Variants in FOXN4 observed in about 807,000 individuals in gnomAD.
FOXN4 encodes forkhead box N4.
In FOXN4, 12 loss-of-function variants were observed where a neutral mutation model predicts 45.0. That is an observed-to-expected ratio of 0.27 (90% CI 0.17 to 0.43). The LOEUF (loss-of-function observed/expected upper bound fraction) is 0.43. Among genes scored for constraint, FOXN4 ranks in the 20% least tolerant of loss-of-function variants. The pLI is 1.00. For missense variants in FOXN4, 560 were observed against 694.9 expected (o/e 0.81, Z 2.18); for synonymous variants, 297 against 295.0 (o/e 1.01, Z -0.07).
At chr12:109,281,253 C>G (rs2136908079) in intron 9 of FOXN4, among the ~76,000 whole-genome samples, 154 bp downstream of exon 9, 1 of 152,242 alleles carries the variant, frequency 6.6e-6, no homozygotes, top group Middle Eastern at 3.4e-3. Flanking sequence ...TTTTGGATTT[C>G]CGGATTAGGG....
At chr12:109,282,727 T>G (rs769807305) in intron 8 of FOXN4, among the ~76,000 whole-genome samples, 1 of 152,196 alleles carries the variant, frequency 6.6e-6, no homozygotes, top group African/African-American at 2.4e-5. Flanking sequence ...TAAAGACAAA[T>G]TACTCTCATA....
chr12:109,299,614 C>T (rs1341061586), intron 2 of FOXN4, among the ~76,000 whole-genome samples: 1 of 152,164 alleles, frequency 6.6e-6, no homozygotes, highest in African/African-American at 2.4e-5. Context: ...AGGCAGTCCC[C>T]CCTCTGCCAG....
intron 9 of FOXN4, 79 bp from the exon 10 acceptor site, chr12:109,280,009 G>A: frequency 1.3e-6 from 2 of 1,578,114 alleles, no homozygotes; most frequent in South Asian, 2.3e-5. Flanking sequence ...TTAGGGAAGA[G>A]GCAGAGACCA....
intron 2 of FOXN4, among the ~76,000 whole-genome samples, chr12:109,306,224 T>G (rs759397554): frequency 6.6e-6 from 1 of 152,136 alleles, no homozygotes; most frequent in Non-Finnish European, 1.5e-5. Context: ...AACTACTGAT[T>G]ATGTGTTTCT....
chr12:109,298,367 G>A (rs919474393), intron 2 of FOXN4, among the ~76,000 whole-genome samples: 14 of 109,384 alleles, frequency 1.3e-4, no homozygotes, highest in Admixed American at 9.2e-5. Flanking sequence ...GCTTTGTTTT[G>A]TTTTGTTTTT....
At chr12:109,303,105 G>A (rs143331336) in intron 2 of FOXN4, among the ~76,000 whole-genome samples, 1 of 152,326 alleles carries the variant, frequency 6.6e-6, no homozygotes, top group East Asian at 1.9e-4. Flanking sequence ...TTGGGACTTA[G>A]AATGTGCATG....
In FOXN4 at chr12:109,290,186, C is replaced by A. The variant is rs1332686599; in HGVS notation, c.187G>T (p.Gly63Cys). 6 of 1,551,428 alleles carry A rather than the reference C, an allele frequency of 3.9e-6. No individual in the cohort carries two copies. Among genetic ancestry groups the A allele is most frequent in the Admixed American group, 3.9e-5 (2 of 50,964 alleles). ...CAGGGGCCACCCAGGTCCACGCGGC[C>A]ACTTGCCATCTGCTGCAGCCGAGGC... ...DVPRLQQMAS[G>C]RVDLGGPCVP... Residue 63 changes from glycine to cysteine, a missense_variant, in exon 3 of 10, where the codon GGC becomes TGC. Gly to Cys is a radical substitution (Grantham distance 159, BLOSUM62 -3). Transcript: ENST00000299162. This position sits in a 1 kb window ranked among gnomAD's most constrained non-coding sequence, Gnocchi z 5.1.
intron 2 of FOXN4, among the ~76,000 whole-genome samples, chr12:109,293,383 C>T (rs1021725806): frequency 3.9e-5 from 6 of 152,178 alleles, no homozygotes; most frequent in African/African-American, 9.7e-5. Flanking sequence ...CTCTACACTT[C>T]GCCAGGACCA....
chr12:109,295,700 T>G (rs926701968), intron 2 of FOXN4, among the ~76,000 whole-genome samples: 10 of 152,282 alleles, frequency 6.6e-5, no homozygotes, highest in African/African-American at 2.2e-4. Context: ...GCAGGAGAAT[T>G]GCTTGAACCT....
At position 109,286,780 on chromosome 12, in the gene FOXN4, A is replaced by G. The variant is rs759430774; in HGVS notation, c.597-36T>C. On this transcript the variant is annotated intron_variant, in intron 6 of 9. Coordinates refer to ENST00000299162, the MANE Select transcript of FOXN4 (RefSeq NM_213596.3). Reference sequence around the variant, plus strand: ...GAGGTGGGGCAGGGCAGGGCAGGGCAGGACAGGGCAGGCCAGGCATGAAAG... The same window carrying G: ...GAGGTGGGGCAGGGCAGGGCAGGGCGGGACAGGGCAGGCCAGGCATGAAAG... 8.9e-6 allele frequency: 14 copies of G among 1,580,378 alleles called. 1 individual carries two copies. In the South Asian group the frequency reaches 1.3e-4, roughly 14 times the overall value.
At chr12:109,304,289 AAGAAAGG>A (rs1276549215) in intron 2 of FOXN4, among the ~76,000 whole-genome samples, 7 of 51,274 alleles carry the variant, frequency 1.4e-4, no homozygotes, top group Middle Eastern at 0.013. Context: ...GAAAGAAAGA[AAGAAAGG>A]AGAAAGAAAG....
At chr12:109,295,696 G>A (rs2047810448) in intron 2 of FOXN4, among the ~76,000 whole-genome samples, 1 of 152,244 alleles carries the variant, frequency 6.6e-6, no homozygotes, top group African/African-American at 2.4e-5. Flanking sequence ...TGAGGCAGGA[G>A]AATTGCTTGA....
chr12:109,285,326 G>A lies in FOXN4; in HGVS notation c.879C>T (p.Ile293=). The part of the protein sequence containing the change: ...HKWKRKDLAA[I]HRSMANPEEL... Reference sequence around the variant, plus strand: ...CACCAGGGTTGGCCATACTCCGGTGGATGGCAGCCAGGTCCTTCCTCTTCC... The same window carrying A: ...CACCAGGGTTGGCCATACTCCGGTGAATGGCAGCCAGGTCCTTCCTCTTCC... Residue 293 remains isoleucine (I), a synonymous_variant, in exon 8 of 10, where the codon ATC becomes ATT. Coordinates refer to ENST00000299162, the MANE Select transcript of FOXN4 (RefSeq NM_213596.3). 1 of 1,611,960 alleles carries A rather than the reference G, an allele frequency of 6.2e-7. No individual in the cohort carries two copies. Among genetic ancestry groups the A allele is most frequent in the Non-Finnish European group, 8.5e-7 (1 of 1,179,370 alleles).
chr12:109,280,419 T>C (rs2047642119), intron 9 of FOXN4, among the ~76,000 whole-genome samples: 1 of 150,318 alleles, frequency 6.7e-6, no homozygotes, highest in Non-Finnish European at 1.5e-5. Flanking sequence ...TCCCACTGAA[T>C]GTCCTTGGGA....
intron 1 of FOXN4, 64 bp from the exon 2 acceptor site, chr12:109,308,388 C>A: frequency 9.0e-7 from 1 of 1,110,914 alleles, no homozygotes; most frequent in Non-Finnish European, 1.3e-6. Context: ...GGCAGAAACC[C>A]ACAGTTTTCC....
At chr12:109,280,212 G>A (rs972089233) in intron 9 of FOXN4, among the ~76,000 whole-genome samples, 5 of 152,088 alleles carry the variant, frequency 3.3e-5, no homozygotes, top group African/African-American at 4.8e-5. Flanking sequence ...GGCTGGTAGC[G>A]CACACCTGTA....
At chr12:109,305,821 G>C (rs960182018) in intron 2 of FOXN4, among the ~76,000 whole-genome samples, 1 of 152,112 alleles carries the variant, frequency 6.6e-6, no homozygotes, top group African/African-American at 2.4e-5. Flanking sequence ...GCCAGACCAG[G>C]AGCCTGGGCA....
At position 109,304,296 on chromosome 12, in the gene FOXN4, GA is replaced by G. The variant is rs199812686; in HGVS notation, c.86+3939del. 7.1e-3 allele frequency among the ~76,000 whole-genome samples: 223 copies of G among 31,326 alleles called. 7 individuals are homozygous for G. Among genetic ancestry groups the G allele is most frequent in the Middle Eastern group, 0.021 (1 of 48 alleles). The allele number at this position is 31,326 out of a possible 152,430, so 20.6% of individuals were successfully genotyped here. ...GAAAGAAAGAAAGAAAGAAAGAAAG[GA>G]GAAAGAAAGAAGGAAAGAAGGAAAG... On this transcript the variant is annotated intron_variant, in intron 2 of 9. Coordinates refer to ENST00000299162, the MANE Select transcript of FOXN4 (RefSeq NM_213596.3).
chr12:109,308,297 T>C lies in FOXN4; in HGVS notation c.25A>G (p.Ile9Val), dbSNP rs2136954170. 1 of 1,551,994 alleles carries C rather than the reference T, an allele frequency of 6.4e-7. No homozygotes were observed. Among genetic ancestry groups the C allele is most frequent in the Non-Finnish European group, 8.7e-7 (1 of 1,146,994 alleles). Reference sequence around the variant, plus strand: ...GAGTTTCGAATAATTCCTGACATTATGGATGAGGTGTCACTTTCTATCATC... The same window carrying C: ...GAGTTTCGAATAATTCCTGACATTACGGATGAGGTGTCACTTTCTATCATC... MIESDTSS[I>V]MSGIIRNSGQ... Residue 9 changes from isoleucine (I) to valine (V), a missense_variant, in exon 2 of 10, where the codon ATA becomes GTA. Physicochemically the swap from Ile to Val is conservative, Grantham distance 29. Transcript: ENST00000299162.
Sources: gnomAD v4.1 joint callset for allele counts (sites outside exome capture counted in the v4.1 genomes callset) on GRCh38, gnomAD v4.1.1 for gene constraint, Gnocchi (gnomAD v3.1) non-coding constraint, MANE v1.5 for transcripts, NCBI Gene and HGNC (gene_info 2026-07-23, HGNC 2026-07-21) for gene names.